The following UVRAG variants were observed in gnomAD, a reference collection of about 807,000 sequenced individuals.
UVRAG encodes the protein UV radiation resistance-associated gene protein.
UVRAG carries 19 observed loss-of-function variants against 78.0 expected under a neutral mutation model. The ratio of observed to expected loss-of-function variants is 0.24; its 90% confidence interval spans 0.17 to 0.36. The LOEUF is 0.36. Ranked by LOEUF, UVRAG falls within the 10% of genes least tolerant of loss-of-function variation. The pLI is 1.00. For missense variants in UVRAG, 740 were observed against 853.8 expected, an observed-to-expected ratio of 0.87 and a Z score of 1.66; for synonymous variants, 323 against 324.6, an observed-to-expected ratio of 1.00 and a Z score of 0.05.
chr11:75,892,810 A>G (rs1947243693), intron 5 of UVRAG, among the ~76,000 whole-genome samples: 1 of 152,150 alleles, frequency 6.6e-6, no homozygotes, highest in South Asian at 2.1e-4. Context: ...TCAAGATGAC[A>G]TTGTAAGTGT....
chr11:75,884,240 T>TTTCTC (rs1555080663), intron 4 of UVRAG, among the ~76,000 whole-genome samples: 61 of 132,552 alleles, frequency 4.6e-4, no homozygotes, highest in African/African-American at 1.9e-3. Flanking sequence ...CTCTCTCTCT[T>TTTCTC]TCTCTCTCTC....
intron 5 of UVRAG, among the ~76,000 whole-genome samples, chr11:75,909,823 T>C (rs1026105286): frequency 6.6e-6 from 1 of 152,220 alleles, no homozygotes; most frequent in African/African-American, 2.4e-5. Flanking sequence ...GATTTTTGTG[T>C]TTCTTTTCGT....
chr11:76,106,652 G>C (rs552101177), intron 13 of UVRAG, among the ~76,000 whole-genome samples: 34 of 152,272 alleles, frequency 2.2e-4, no homozygotes, highest in African/African-American at 7.7e-4. Context: ...ACAAGCGTGA[G>C]CCACCATACC....
intron 11 of UVRAG, among the ~76,000 whole-genome samples, chr11:76,016,472 C>T (rs1950147137): frequency 6.6e-6 from 1 of 152,082 alleles, no homozygotes; most frequent in Non-Finnish European, 1.5e-5. Context: ...AGCTAATTTT[C>T]ATATCATGTA....
chr11:76,049,784 G>T (rs532033633), intron 12 of UVRAG, among the ~76,000 whole-genome samples: 2 of 152,296 alleles, frequency 1.3e-5, no homozygotes, highest in African/African-American at 4.8e-5. Context: ...TCCTTTGGAA[G>T]ATTCAAGGAA....
At chr11:76,012,245 C>A (rs950362263) in intron 11 of UVRAG, among the ~76,000 whole-genome samples, 3 of 151,112 alleles carry the variant, frequency 2.0e-5, no homozygotes, top group Non-Finnish European at 4.4e-5. Context: ...GATGTTCTCA[C>A]ATTTACCCTA....
intron 9 of UVRAG, among the ~76,000 whole-genome samples, chr11:76,004,815 C>T (rs533493748): frequency 6.6e-6 from 1 of 151,988 alleles, no homozygotes; most frequent in South Asian, 2.1e-4. Context: ...TATGGTGATT[C>T]TTTTGCTTAA....
intron 11 of UVRAG, among the ~76,000 whole-genome samples, chr11:76,011,348 G>A (rs1165835043): frequency 2.0e-5 from 3 of 152,206 alleles, no homozygotes; most frequent in Non-Finnish European, 4.4e-5. Flanking sequence ...CATTGGCCGG[G>A]TGCGGTGGCT....
At chr11:75,961,913 A>G (rs149674892) in intron 7 of UVRAG, among the ~76,000 whole-genome samples, 1 of 152,338 alleles carries the variant, frequency 6.6e-6, no homozygotes, top group African/African-American at 2.4e-5. Flanking sequence ...GAATTTAAAA[A>G]GTATTTGGAT....
chr11:75,828,154 A>G (rs1409177341), intron 1 of UVRAG, among the ~76,000 whole-genome samples: 4 of 152,170 alleles, frequency 2.6e-5, no homozygotes, highest in Admixed American at 6.5e-5. Context: ...TTATAGAATT[A>G]TATATGTATA....
intron 12 of UVRAG, among the ~76,000 whole-genome samples, chr11:76,028,920 T>A (rs938955437): frequency 1.3e-5 from 2 of 152,090 alleles, no homozygotes; most frequent in Non-Finnish European, 2.9e-5. Flanking sequence ...TAGACAAAAA[T>A]AGCCTTCTGT....
chr11:75,911,020 G>A (rs1419857116), intron 5 of UVRAG, among the ~76,000 whole-genome samples: 2 of 152,136 alleles, frequency 1.3e-5, no homozygotes, highest in East Asian at 3.8e-4. Context: ...TTTATAATGT[G>A]AAACATTGTT....
intron 8 of UVRAG, among the ~76,000 whole-genome samples, chr11:75,984,030 G>A (rs1311379102): frequency 2.6e-5 from 4 of 151,986 alleles, no homozygotes; most frequent in East Asian, 1.9e-4. Context: ...AAATCGTCCC[G>A]GACTTACAAT....
intron 13 of UVRAG, among the ~76,000 whole-genome samples, chr11:76,072,065 A>G (rs1260538674): frequency 3.9e-5 from 6 of 152,110 alleles, no homozygotes; most frequent in African/African-American, 1.4e-4. Context: ...AATCCAGAGA[A>G]CTAGATGAGA....
intron 13 of UVRAG, among the ~76,000 whole-genome samples, chr11:76,099,336 A>AT (rs1178644008): frequency 1.3e-5 from 2 of 151,990 alleles, no homozygotes; most frequent in African/African-American, 2.4e-5. Context: ...CTGTGCCTCC[A>AT]TTTTTTCATC....
At chr11:76,045,037 G>A (rs1332205960) in intron 12 of UVRAG, among the ~76,000 whole-genome samples, 2 of 152,058 alleles carry the variant, frequency 1.3e-5, no homozygotes, top group Non-Finnish European at 2.9e-5. Context: ...AGGTGAGTCG[G>A]GTATGTCTGG....
intron 2 of UVRAG, among the ~76,000 whole-genome samples, chr11:75,856,486 T>A (rs1488005032): frequency 1.3e-5 from 2 of 152,118 alleles, no homozygotes; most frequent in African/African-American, 2.4e-5. Context: ...AGTCTGACTC[T>A]GTCAACCAGG....
intron 3 of UVRAG, among the ~76,000 whole-genome samples, chr11:75,871,849 G>T (rs1248038892): frequency 2.6e-5 from 4 of 152,114 alleles, no homozygotes; most frequent in Admixed American, 2.6e-4. Context: ...CCCAAACTTG[G>T]TATTATCTAT....
chr11:75,920,378 G>A (rs2135063702), intron 6 of UVRAG, among the ~76,000 whole-genome samples: 1 of 152,102 alleles, frequency 6.6e-6, no homozygotes, highest in South Asian at 2.1e-4. Context: ...TTTATGTGCA[G>A]CAGCACATTT....
Sources: allele counts gnomAD v4.1 joint callset (sites outside exome capture counted in the v4.1 genomes callset), GRCh38; gene constraint gnomAD v4.1.1; transcripts MANE v1.5; gene names NCBI Gene and HGNC (gene_info 2026-07-23, HGNC 2026-07-21).